The following KCNK1 variants were observed in gnomAD, a reference collection of about 807,000 sequenced individuals.
KCNK1 encodes potassium two pore domain channel subfamily K member 1.
Under a neutral mutation model 22.2 loss-of-function variants are expected in KCNK1, and 10 were observed. The ratio of observed to expected loss-of-function variants is 0.45; its 90% CI spans 0.28 to 0.76. The LOEUF is 0.76. Among genes scored for constraint, KCNK1 ranks in the 30% least tolerant of loss-of-function variants. KCNK1 has a pLI of 0.14. For synonymous variants in KCNK1, 200 were observed against 186.4 expected, an observed-to-expected ratio of 1.07 and a Z score of -0.60; for missense variants, 378 against 421.0, an observed-to-expected ratio of 0.90 and a Z score of 0.89.
intron 1 of KCNK1, among the ~76,000 whole-genome samples, chr1:233,638,312 T>C (rs1315905968): frequency 1.3e-5 from 2 of 151,698 alleles, no homozygotes; most frequent in East Asian, 3.9e-4. Flanking sequence ...AGGAAAAAAA[T>C]AATTAATTTT....
intron 1 of KCNK1, among the ~76,000 whole-genome samples, chr1:233,615,743 A>G (rs1193549991): frequency 7.3e-6 from 1 of 137,594 alleles, no homozygotes; most frequent in African/African-American, 2.7e-5. Flanking sequence ...ACCCCCCTCC[A>G]CCACCCAAAT....
rs1478734881 is a variant in KCNK1 at position 233,650,573 on chromosome 1, A to G, written c.356-16022A>G. 2.6e-5 allele frequency among the ~76,000 whole-genome samples: 4 copies of G among 152,266 alleles called. No individual in the cohort carries two copies. The East Asian group carries it at 7.7e-4, about 29-fold the overall frequency. ...CAATAGAAGAGTTTAACTTCATGGTACTTCCTATGTGCAGCGTCTGTACTA... is the reference window on the plus strand; with the variant it reads ...CAATAGAAGAGTTTAACTTCATGGTGCTTCCTATGTGCAGCGTCTGTACTA... On this transcript the variant is annotated intron_variant, in intron 1 of 2. Coordinates refer to ENST00000366621, the MANE Select transcript of KCNK1 (RefSeq NM_002245.4).
intron 2 of KCNK1, among the ~76,000 whole-genome samples, chr1:233,669,808 T>G (rs916675453): frequency 1.3e-5 from 2 of 152,260 alleles, no homozygotes; most frequent in African/African-American, 4.8e-5. Context: ...AAAATAGTAA[T>G]AAGAATAATA....
chr1:233,655,088 C>T (rs1039435721), intron 1 of KCNK1, among the ~76,000 whole-genome samples: 13 of 152,174 alleles, frequency 8.5e-5, no homozygotes, highest in African/African-American at 2.4e-4. Flanking sequence ...CCACCACGCC[C>T]GTGGGTTGGG....
intron 1 of KCNK1, among the ~76,000 whole-genome samples, chr1:233,622,757 C>T (rs559255340): frequency 1.3e-5 from 2 of 152,298 alleles, no homozygotes; most frequent in South Asian, 4.1e-4. Context: ...TGACTTTCTA[C>T]TGGTTTTCAT....
At chr1:233,653,478 A>G (rs1252829778) in intron 1 of KCNK1, among the ~76,000 whole-genome samples, 1 of 152,188 alleles carries the variant, frequency 6.6e-6, no homozygotes, top group South Asian at 2.1e-4. Context: ...ATCTGGGTGC[A>G]TCTGTGAGGG....
intron 1 of KCNK1, among the ~76,000 whole-genome samples, chr1:233,665,968 T>G (rs1335388085): frequency 6.6e-6 from 1 of 152,268 alleles, no homozygotes; most frequent in Non-Finnish European, 1.5e-5. Flanking sequence ...AAGGGTGCTG[T>G]ATACAAGTGC....
At chr1:233,638,422 G>A (rs1256136874) in intron 1 of KCNK1, among the ~76,000 whole-genome samples, 8 of 149,136 alleles carry the variant, frequency 5.4e-5, no homozygotes, top group African/African-American at 9.9e-5. Context: ...AAAAAAGAGA[G>A]AAAAAAAAAA....
chr1:233,633,657 G>T (rs1393261236), intron 1 of KCNK1, among the ~76,000 whole-genome samples: 1 of 152,124 alleles, frequency 6.6e-6, no homozygotes, highest in East Asian at 1.9e-4. Context: ...CTCTGAAAAG[G>T]ACACAAGCTT....
chr1:233,614,792 T>C (rs933820396), intron 1 of KCNK1, among the ~76,000 whole-genome samples: 53 of 152,300 alleles, frequency 3.5e-4, no homozygotes, highest in African/African-American at 1.2e-3. Flanking sequence ...CGTGACTTGG[T>C]TGTTGCCGTC....
At chr1:233,620,313 G>A (rs922712850) in intron 1 of KCNK1, among the ~76,000 whole-genome samples, 4 of 152,204 alleles carry the variant, frequency 2.6e-5, no homozygotes, top group African/African-American at 4.8e-5. Context: ...TACTTGAAAG[G>A]TACGCTAAGA....
In KCNK1 at chr1:233,659,801, C is replaced by G. The variant is rs146212540; in HGVS notation, c.356-6794C>G. 1.4e-4 allele frequency among the ~76,000 whole-genome samples: 21 copies of G among 152,180 alleles called. No individual in the cohort carries two copies. In the East Asian group the frequency reaches 3.9e-3, roughly 28 times the overall value. ...GAAACGTCGTTATGTGGTACATTGA[C>G]TACACTGCCGGCAAGCTCCTATTTA... On this transcript the variant is annotated intron_variant, in intron 1 of 2. Coordinates refer to ENST00000366621, the MANE Select transcript of KCNK1 (RefSeq NM_002245.4).
chr1:233,665,997 A>G (rs1290492779), intron 1 of KCNK1, among the ~76,000 whole-genome samples: 1 of 152,218 alleles, frequency 6.6e-6, no homozygotes, highest in Non-Finnish European at 1.5e-5. Context: ...GTGACATGGC[A>G]TGCTTTAATC....
chr1:233,672,108 A>C lies in KCNK1; in HGVS notation c.*578A>C, dbSNP rs1658611084. 6.5e-6 allele frequency: 1 copy of C among 152,748 alleles called. No individual in the cohort carries two copies. Among genetic ancestry groups the C allele is most frequent in the Non-Finnish European group, 1.5e-5 (1 of 68,274 alleles). The allele number at this position is 152,748 out of a possible 1,614,324, so 9.5% of individuals were successfully genotyped here. On this transcript the variant is annotated 3_prime_UTR_variant, in exon 3 of 3. Transcript: ENST00000366621. ...ATATTCTGTACATATGGTTTAGGTC[A>C]CCAGATCCTAGTGTAGTTCTGAAAC...
At chr1:233,645,567 C>T (rs558281390) in intron 1 of KCNK1, among the ~76,000 whole-genome samples, 2 of 152,374 alleles carry the variant, frequency 1.3e-5, no homozygotes, top group East Asian at 3.9e-4. Flanking sequence ...TTTTCCCCTA[C>T]AGCCTTCGGA....
intron 1 of KCNK1, among the ~76,000 whole-genome samples, chr1:233,616,094 G>A (rs146652965): frequency 2.6e-5 from 4 of 152,256 alleles, no homozygotes; most frequent in Middle Eastern, 3.4e-3. Context: ...AGATCATTTA[G>A]GAGTCACCAT....
intron 1 of KCNK1, among the ~76,000 whole-genome samples, chr1:233,659,074 T>G (rs1000422691): frequency 7.9e-5 from 12 of 152,304 alleles, no homozygotes; most frequent in Admixed American, 7.2e-4. Flanking sequence ...CTTTTTAATG[T>G]TTTTAATTTT....
At chr1:233,646,191 G>T (rs1448340937) in intron 1 of KCNK1, among the ~76,000 whole-genome samples, 1 of 151,880 alleles carries the variant, frequency 6.6e-6, no homozygotes, top group African/African-American at 2.4e-5. Flanking sequence ...AGAGATGAAG[G>T]TCAGTAAGTT....
In KCNK1 at chr1:233,667,531, C is replaced by T. The variant is rs543573725; in HGVS notation, c.751+541C>T. Among the ~76,000 whole-genome samples, 9 of 151,898 alleles carry T rather than the reference C, an allele frequency of 5.9e-5. No individual in the cohort carries two copies. In the South Asian group the frequency reaches 1.9e-3, roughly 32 times the overall value. On this transcript the variant is annotated intron_variant, in intron 2 of 2. Transcript: ENST00000366621. ...GGATCACGAGGTCAGGAGATCGAGA[C>T]CATCCTGGCTAACACGGTGAAACCC...
Sources: gnomAD v4.1 joint callset for allele counts (sites outside exome capture counted in the v4.1 genomes callset) on GRCh38, gnomAD v4.1.1 for gene constraint, MANE v1.5 for transcripts, NCBI Gene and HGNC (gene_info 2026-07-23, HGNC 2026-07-21) for gene names.